The following ANK1 variants were observed in gnomAD, a reference collection of about 807,000 sequenced individuals.
ANK1 encodes ankyrin 1.
Under a neutral mutation model 210.4 loss-of-function variants are expected in ANK1, and 51 were observed. The observed-to-expected ratio is 0.24, with a 90% CI of 0.19 to 0.31. The LOEUF is 0.31. Ranked by LOEUF, ANK1 falls within the 10% of genes least tolerant of loss-of-function variation. The pLI, the probability that ANK1 is intolerant of heterozygous loss-of-function variation, is 1.00. For synonymous variants in ANK1, 967 were observed against 1,025.9 expected (o/e 0.94, Z 1.10); for missense variants, 2,051 against 2,504.4 (o/e 0.82, Z 3.86).
At position 41,693,153 on chromosome 8, in the gene ANK1, A is replaced by G. The variant is rs777056252; in HGVS notation, c.3581T>C (p.Leu1194Pro). ...GTTGGCGCACTCGTTGGCATATACAAGTTTGGTGGTTCCTGTTATGTCTTC... is the reference window on the plus strand; with the variant it reads ...GTTGGCGCACTCGTTGGCATATACAGGTTTGGTGGTTCCTGTTATGTCTTC... ...QWEDITGTTK[L>P]VYANECANFT... is the part of the protein sequence containing the mutation. The change falls in exon 30 of 43, where the codon CTT (leucine) becomes CCT (proline). Residue 1194 changes from leucine (L) to proline (P), a missense_variant. Leu to Pro is a moderately conservative substitution (Grantham distance 98). Around this residue, in one of 6 missense-constraint regions of ANK1, gnomAD observed 1,413 missense variants for 1,707.4 expected, o/e 0.83. Transcript: ENST00000289734. 5.6e-6 allele frequency: 9 copies of G among 1,613,722 alleles called. No homozygotes were observed. The East Asian group carries it at 1.8e-4, about 32-fold the overall frequency.
chr8:41,700,670 T>A (rs976298781), intron 22 of ANK1, among the ~76,000 whole-genome samples: 1 of 152,164 alleles, frequency 6.6e-6, no homozygotes, highest in Non-Finnish European at 1.5e-5. Flanking sequence ...CTACTCAACA[T>A]CCCCATCTAA....
At chr8:41,802,958 G>A (rs1210964345) in intron 1 of ANK1, among the ~76,000 whole-genome samples, 3 of 50,486 alleles carry the variant, frequency 5.9e-5, no homozygotes, top group African/African-American at 1.7e-4. Flanking sequence ...AGGGGGGGGG[G>A]GAGAGAGAGA....
chr8:41,666,670 C>T (rs1358676227), intron 39 of ANK1, among the ~76,000 whole-genome samples: 1 of 152,234 alleles, frequency 6.6e-6, no homozygotes, highest in Admixed American at 6.5e-5. Context: ...CTTTGCAAAC[C>T]ATCAATCACC....
intron 23 of ANK1, among the ~76,000 whole-genome samples, chr8:41,698,380 T>C (rs974285508): frequency 6.6e-6 from 1 of 152,246 alleles, no homozygotes; most frequent in South Asian, 2.1e-4. Context: ...TCTGTGTTGC[T>C]ACATGACCAC....
At chr8:41,895,902 C>A (rs1297795286) in intron 1 of ANK1, among the ~76,000 whole-genome samples, 1 of 127,480 alleles carries the variant, frequency 7.8e-6, no homozygotes, top group African/African-American at 3.0e-5. Context: ...GGCAGAGCTG[C>A]CCCCCCCCGG....
rs369789514 is a variant in ANK1, at chr8:41,725,959, G to T, written c.427-13C>A. On this transcript the variant is annotated splice_polypyrimidine_tract_variant and intron_variant, in intron 5 of 42. Transcript: ENST00000289734. ...GCGTGAAGCCGTCCTGGCCAGAGGA[G>T]GAAAATGCTTTGCTCTGACTCGTCT... 32 of 1,612,298 alleles carry T rather than the reference G, an allele frequency of 2.0e-5. No homozygotes were observed. The African/African-American group carries it at 4.1e-4, about 21-fold the overall frequency.
intron 1 of ANK1, among the ~76,000 whole-genome samples, chr8:41,822,060 AAGAAAGAG>A (rs1804361757): frequency 1.5e-5 from 2 of 129,096 alleles, no homozygotes; most frequent in Non-Finnish European, 3.2e-5. Context: ...AAAAGAAAGA[AAGAAAGAG>A]AGAGAGAGAG....
intron 10 of ANK1, among the ~76,000 whole-genome samples, 192 bp downstream of exon 10, chr8:41,719,469 G>A (rs1292068281): frequency 6.6e-6 from 1 of 152,200 alleles, no homozygotes; most frequent in Admixed American, 6.5e-5. Context: ...AGGTGGGTGT[G>A]CAGTGGAGGG....
intron 12 of ANK1, 103 bp downstream of exon 12, chr8:41,717,501 A>G: frequency 9.0e-7 from 1 of 1,110,102 alleles, no homozygotes; most frequent in South Asian, 1.3e-5. Flanking sequence ...TGTTCTGGGA[A>G]TCGTAGCTCT....
intron 37 of ANK1, among the ~76,000 whole-genome samples, chr8:41,679,701 T>C (rs1424647539): frequency 6.6e-6 from 1 of 150,816 alleles, no homozygotes; most frequent in African/African-American, 2.4e-5. Context: ...TAGCTGGGAC[T>C]ACAGGCGCCC....
chr8:41,749,464 ATTT>A (rs776001194), intron 2 of ANK1, among the ~76,000 whole-genome samples: 11 of 151,704 alleles, frequency 7.3e-5, no homozygotes, highest in Non-Finnish European at 1.2e-4. Context: ...TGCCCGACTA[ATTT>A]TTTATTTTTA....
At position 41,714,264 on chromosome 8, in the gene ANK1, A is replaced by C; in HGVS notation, c.1702-10T>G. ...GGGGGGTCAGGCCATTCTGCAGGGGACAAAGACAAAAGAGGCCGGCTGTCA... is the reference window on the plus strand; with the variant it reads ...GGGGGGTCAGGCCATTCTGCAGGGGCCAAAGACAAAAGAGGCCGGCTGTCA... On this transcript the variant is annotated splice_polypyrimidine_tract_variant and intron_variant, in intron 15 of 42. Transcript: ENST00000289734. 1.3e-6 allele frequency: 2 copies of C among 1,552,990 alleles called. No individual in the cohort carries two copies. The highest frequency in any genetic ancestry group is 1.8e-6 in the Non-Finnish European group (2 of 1,142,266).
At chr8:41,664,202 T>G in intron 39 of ANK1, 1 of 457,158 alleles carries the variant, frequency 2.2e-6, no homozygotes, top group Admixed American at 2.3e-5. Flanking sequence ...AATCCCATGG[T>G]GGCTCACGCC....
At position 41,690,283 on chromosome 8, in the gene ANK1, C is replaced by G; in HGVS notation, c.4048G>C (p.Glu1350Gln). The change falls in exon 33 of 43, where the codon GAG becomes CAG. Residue 1350 changes from glutamate to glutamine, a missense_variant. Physicochemically the swap from Glu to Gln is conservative, Grantham distance 29. Transcript: ENST00000289734. ...LSFLRKAMKYEDTQHILCHLN... is the reference protein window; with the variant it reads ...LSFLRKAMKYQDTQHILCHLN... ...TGGCAGAGAATGTGCTGGGTGTCCTCGTACTTCATCGCCTTGCGCAGAAAC... is the reference window on the plus strand; with the variant it reads ...TGGCAGAGAATGTGCTGGGTGTCCTGGTACTTCATCGCCTTGCGCAGAAAC... 1 of 1,614,192 alleles carries G rather than the reference C, an allele frequency of 6.2e-7. No homozygotes were observed. The highest frequency in any genetic ancestry group is 1.1e-5 in the South Asian group (1 of 91,080).
At chr8:41,809,102 C>G (rs1256325685) in intron 1 of ANK1, among the ~76,000 whole-genome samples, 1 of 152,260 alleles carries the variant, frequency 6.6e-6, no homozygotes, top group Non-Finnish European at 1.5e-5. Flanking sequence ...AGGGCTCACA[C>G]TTCCCCAGGT....
At chr8:41,661,730 T>A (rs516946) in intron 41 of ANK1, 146 bp downstream of exon 41, 1 of 1,602,908 alleles carries the variant, frequency 6.2e-7, no homozygotes. Flanking sequence ...GGAGGTGTCA[T>A]GCAGACGGCC....
intron 1 of ANK1, among the ~76,000 whole-genome samples, chr8:41,846,904 A>G (rs1810164100): frequency 6.6e-6 from 1 of 152,182 alleles, no homozygotes; most frequent in Non-Finnish European, 1.5e-5. Context: ...GGGAGCCTGA[A>G]GAAAGCTCAG....
rs117949693 is a variant in ANK1 at position 41,841,929 on chromosome 8, G to A, written c.126+54426C>T. Among the ~76,000 whole-genome samples the A allele has an allele frequency of 1.1e-3, 172 of 152,366 alleles. 6 individuals are homozygous for A. The East Asian group carries it at 0.028, about 25-fold the overall frequency. ...TGCCGTGGGGACTCCCCCAGCCAGT[G>A]CAGCTCTATCCTGCTGTTGCTCCTG... On this transcript the variant is annotated intron_variant, in intron 1 of 42. Coordinates refer to the ANK1 transcript ENST00000265709.
chr8:41,692,499 A>G, intron 31 of ANK1, 149 bp downstream of exon 31: 1 of 778,724 alleles, frequency 1.3e-6, no homozygotes, highest in South Asian at 1.6e-5. Context: ...CTTCTCTAAG[A>G]TGCTTCTCAA....
Sources: allele counts gnomAD v4.1 joint callset (sites outside exome capture counted in the v4.1 genomes callset), GRCh38; gene constraint gnomAD v4.1.1; regional missense constraint gnomAD v4.1.1; transcripts MANE v1.5; gene names NCBI Gene and HGNC (gene_info 2026-07-23, HGNC 2026-07-21).